The following INPP4A variants were observed in gnomAD, a reference collection of about 807,000 sequenced individuals.
INPP4A encodes the protein inositol polyphosphate-4-phosphatase type I A, also known as inositol polyphosphate-4-phosphatase, type I, 107kD.
INPP4A carries 33 observed loss-of-function variants against 119.8 expected under a neutral mutation model. That is an observed-to-expected ratio of 0.28 (90% CI 0.21 to 0.37). The LOEUF is 0.37. Ranked by LOEUF, INPP4A falls within the 10% of genes least tolerant of loss-of-function variation. The pLI is 1.00. For synonymous variants in INPP4A, 496 were observed against 500.7 expected (o/e 0.99, Z 0.12); for missense variants, 956 against 1,289.9 (o/e 0.74, Z 3.97).
Position 98,538,876 on chromosome 2 carries a change from C to T in INPP4A, c.580-15C>T. On this transcript the variant is annotated splice_polypyrimidine_tract_variant and intron_variant, in intron 8 of 24. Transcript: ENST00000409851. ...ATCTCACAGTTTTCTTGTGCATTTC[C>T]TTATACATTATCAGATGGTTCTTCC... is the stretch of plus-strand genomic sequence containing the variant. 6.5e-7 allele frequency: 1 copy of T among 1,531,820 alleles called. No individual in the cohort carries two copies. The highest frequency in any genetic ancestry group is 2.3e-5 in the East Asian group (1 of 44,430). 94.9% of individuals were successfully genotyped at this position (1,531,820 alleles called of 1,614,324 possible).
Position 98,586,074 on chromosome 2 carries a change from C to T in INPP4A, c.2787-1402C>T, listed in dbSNP as rs111527431. On this transcript the variant is annotated intron_variant, in intron 24 of 24. Coordinates refer to ENST00000409851, the MANE Select transcript of INPP4A (RefSeq NM_001134225.2). ...TTACTGAATGAATGTTAGGCAAACA[C>T]GATTGTTACTTACTCCAGGGGGCCT... Among the ~76,000 whole-genome samples the T allele has an allele frequency of 5.0e-3, 757 of 152,276 alleles. 11 individuals are homozygous for T. Among genetic ancestry groups the T allele is most frequent in the African/African-American group, 0.018 (730 of 41,552 alleles).
chr2:98,534,355 A>G (rs1401989160), intron 5 of INPP4A, among the ~76,000 whole-genome samples: 1 of 152,178 alleles, frequency 6.6e-6, no homozygotes, highest in Non-Finnish European at 1.5e-5. Context: ...ACAGCAGAGT[A>G]TGGGAAGTAT....
At chr2:98,568,826 A>AGG in intron 22 of INPP4A, 158 bp downstream of exon 22, 2 of 595,868 alleles carry the variant, frequency 3.4e-6, no homozygotes, top group Admixed American at 5.7e-5. Context: ...AGAGAGAGAG[A>AGG]GAAGCTTCCC....
intron 16 of INPP4A, chr2:98,556,113 G>A (rs987729508): frequency 3.7e-5 from 13 of 355,222 alleles, no homozygotes; most frequent in African/African-American, 2.5e-4. Context: ...GGTTTGTAAA[G>A]CAATCTGAGA....
At position 98,592,225 on chromosome 2, in the gene INPP4A, T is replaced by C. The variant is rs1700436000; in HGVS notation, c.*4617T>C. ...TCTACCAGCCCCTCTTAAGAGCCGA[T>C]TTTCTGTAAGTTATAGTGAGGGCAC... On this transcript the variant is annotated 3_prime_UTR_variant, in exon 25 of 25. Transcript: ENST00000409851. 6.6e-6 allele frequency: 1 copy of C among 152,324 alleles called. No homozygotes were observed. Among genetic ancestry groups the C allele is most frequent in the South Asian group, 2.1e-4 (1 of 4,830 alleles). 9.4% of individuals were successfully genotyped at this position (152,324 alleles called of 1,614,324 possible). A position where few individuals can be genotyped will look rare whatever the true frequency, so the allele number is the denominator to read the frequency against.
intron 1 of INPP4A, among the ~76,000 whole-genome samples, chr2:98,506,981 G>T (rs1299503824): frequency 2.0e-5 from 3 of 152,230 alleles, no homozygotes; most frequent in Non-Finnish European, 4.4e-5. Flanking sequence ...AGAGTCTGCG[G>T]TCTGGGGTGC....
chr2:98,513,458 T>C (rs1685515708), intron 1 of INPP4A, among the ~76,000 whole-genome samples: 1 of 152,202 alleles, frequency 6.6e-6, no homozygotes, highest in African/African-American at 2.4e-5. Flanking sequence ...GAGACATTCA[T>C]TCACTCACTC....
intron 16 of INPP4A, among the ~76,000 whole-genome samples, chr2:98,559,008 G>A (rs1223758035): frequency 6.6e-6 from 1 of 152,178 alleles, no homozygotes; most frequent in South Asian, 2.1e-4. Flanking sequence ...AGGCTTCCCC[G>A]GTGAATCAGA....
intron 13 of INPP4A, chr2:98,548,981 G>C: frequency 1.9e-6 from 3 of 1,611,632 alleles, no homozygotes; most frequent in South Asian, 1.1e-5. Context: ...TGAGTTTTCT[G>C]TCTGTGGAGA....
rs1392074310 is a variant in INPP4A at position 98,593,368 on chromosome 2, CCTGA to C, written c.*5763_*5766del. The C allele has an allele frequency of 1.3e-5, 2 of 152,650 alleles. No homozygotes were observed. The highest frequency in any genetic ancestry group is 4.1e-4 in the South Asian group (2 of 4,828). 9.5% of individuals were successfully genotyped at this position (152,650 alleles called of 1,614,324 possible). On this transcript the variant is annotated 3_prime_UTR_variant, in exon 25 of 25. Coordinates refer to ENST00000409851, the MANE Select transcript of INPP4A (RefSeq NM_001134225.2). The stretch of plus-strand genomic sequence containing the variant: ...CCCAGCCCTCCCTCGGTGTCTGTGG[CCTGA>C]CTCTCTCCTGGTGGTCCTACGTCTC...
At position 98,453,664 on chromosome 2, in the gene INPP4A, A is replaced by G. The variant is rs192897950; in HGVS notation, c.-166+8579A>G. On this transcript the variant is annotated intron_variant, in intron 1 of 24. Transcript: ENST00000409851. ...AACCTGGTGGTCTGTGACTCGCCATAGATCAAGAACCAATGACCTAAAACC... is the reference window on the plus strand; with the variant it reads ...AACCTGGTGGTCTGTGACTCGCCATGGATCAAGAACCAATGACCTAAAACC... Among the ~76,000 whole-genome samples the G allele has an allele frequency of 6.1e-4, 93 of 152,284 alleles. No individual in the cohort carries two copies. In the Middle Eastern group the frequency reaches 0.017, roughly 28 times the overall value.
chr2:98,458,955 G>A (rs143400922), intron 1 of INPP4A, among the ~76,000 whole-genome samples: 7 of 152,290 alleles, frequency 4.6e-5, no homozygotes, highest in Non-Finnish European at 5.9e-5. Flanking sequence ...GCTAACACCC[G>A]TCAGGATGGT....
intron 22 of INPP4A, among the ~76,000 whole-genome samples, chr2:98,571,556 G>A (rs1481256623): frequency 3.9e-5 from 6 of 152,240 alleles, no homozygotes; most frequent in East Asian, 1.9e-4. Flanking sequence ...CAGGATGGGC[G>A]AGGCCTCCGG....
At chr2:98,577,257 C>T in intron 24 of INPP4A, 114 bp downstream of exon 24, 1 of 1,093,874 alleles carries the variant, frequency 9.1e-7, no homozygotes, top group Non-Finnish European at 1.3e-6. Flanking sequence ...CCCTTGACTC[C>T]AGCCTTCACA....
intron 4 of INPP4A, among the ~76,000 whole-genome samples, chr2:98,531,378 GA>G (rs200631042): frequency 2.4e-4 from 36 of 150,564 alleles, no homozygotes; most frequent in African/African-American, 5.6e-4. Flanking sequence ...AAAAATAATG[GA>G]AAAAAAAATC....
chr2:98,486,359 G>A (rs1174994604), intron 1 of INPP4A, among the ~76,000 whole-genome samples: 2 of 152,160 alleles, frequency 1.3e-5, no homozygotes, highest in Middle Eastern at 3.2e-3. Flanking sequence ...CCTTGTCTAG[G>A]CCTGTGCTTC....
intron 4 of INPP4A, among the ~76,000 whole-genome samples, chr2:98,529,598 T>TGGTGGTGGGCGC (rs1223958648): frequency 1.3e-5 from 2 of 151,762 alleles, no homozygotes; most frequent in Non-Finnish European, 2.9e-5. Flanking sequence ...TAGCTGGGCG[T>TGGTGGTGGGCGC]GGTGGTGGGC....
rs772055735 is a variant in INPP4A at position 98,537,882 on chromosome 2, G to A, written c.487G>A (p.Val163Ile). ...LTLRSAESDR[V>I]GNITVIGWQM... ...TCACAGGTCTGCAGAGAGTGACCGTGTAGGTAACATCACCGTGATTGGCTG... is the reference window on the plus strand; with the variant it reads ...TCACAGGTCTGCAGAGAGTGACCGTATAGGTAACATCACCGTGATTGGCTG... The change falls in exon 8 of 25, where the codon GTA becomes ATA. Residue 163 changes from valine to isoleucine, a missense_variant. This residue lies in a region of INPP4A where 652 missense variants were observed against 797.9 expected (regional missense o/e 0.82). Coordinates refer to ENST00000409851, the MANE Select transcript of INPP4A (RefSeq NM_001134225.2). The A allele has an allele frequency of 8.1e-6, 13 of 1,612,356 alleles. No individual in the cohort carries two copies. Among genetic ancestry groups the A allele is most frequent in the Admixed American group, 6.7e-5 (4 of 59,842 alleles).
chr2:98,481,549 T>C (rs1383947370), intron 1 of INPP4A, among the ~76,000 whole-genome samples: 1 of 152,208 alleles, frequency 6.6e-6, no homozygotes, highest in Non-Finnish European at 1.5e-5. Context: ...TGAAGTGGTT[T>C]TAGATATAAA....
Sources: gnomAD v4.1 joint callset for allele counts (sites outside exome capture counted in the v4.1 genomes callset) on GRCh38, gnomAD v4.1.1 for gene constraint, gnomAD v4.1.1 regional missense constraint, MANE v1.5 for transcripts, NCBI Gene and HGNC (gene_info 2026-07-23, HGNC 2026-07-21) for gene names.